GRIK2: variants seen among roughly 807,000 people sequenced by gnomAD.
GRIK2 encodes the protein glutamate receptor ionotropic, kainate 2.
Under a neutral mutation model 100.3 loss-of-function variants are expected in GRIK2, and 32 were observed. The observed-to-expected ratio is 0.32, with a 90% confidence interval of 0.24 to 0.43. The LOEUF (loss-of-function observed/expected upper bound fraction) is 0.43, where lower values mean the gene tolerates loss of function less well. Among genes scored for constraint, GRIK2 ranks in the 20% least tolerant of loss-of-function variants. GRIK2 has a pLI of 1.00. For synonymous variants in GRIK2, 417 were observed against 389.4 expected (o/e 1.07, Z -0.83); for missense variants, 843 against 1,114.9 (o/e 0.76, Z 3.47).
At chr6:101,872,276 G>T (rs770821256) in intron 11 of GRIK2, among the ~76,000 whole-genome samples, 11 of 151,852 alleles carry the variant, frequency 7.2e-5, no homozygotes, top group Non-Finnish European at 1.5e-4. Flanking sequence ...TTTGAGACTG[G>T]GTGATTTATG....
intron 14 of GRIK2, among the ~76,000 whole-genome samples, chr6:102,020,204 C>T (rs1769352452): frequency 6.6e-6 from 1 of 151,646 alleles, no homozygotes; most frequent in Admixed American, 6.6e-5. Context: ...AATACCCTTG[C>T]TTATGACATA....
At chr6:101,777,322 T>A (rs1266722583) in intron 7 of GRIK2, among the ~76,000 whole-genome samples, 1 of 152,120 alleles carries the variant, frequency 6.6e-6, no homozygotes, top group African/African-American at 2.4e-5. Context: ...ACCAGCCTGT[T>A]CTCCATGTGT....
intron 7 of GRIK2, among the ~76,000 whole-genome samples, chr6:101,735,020 G>A (rs775937535): frequency 6.6e-6 from 1 of 152,122 alleles, no homozygotes; most frequent in Non-Finnish European, 1.5e-5. Context: ...AATAATGGTG[G>A]CCAGTGGCTA....
intron 14 of GRIK2, among the ~76,000 whole-genome samples, chr6:101,970,748 T>G (rs960587452): frequency 6.6e-6 from 1 of 151,106 alleles, no homozygotes; most frequent in Non-Finnish European, 1.5e-5. Flanking sequence ...GCAATTGTAT[T>G]TAGTTGGTCC....
intron 7 of GRIK2, among the ~76,000 whole-genome samples, chr6:101,702,024 C>T (rs1039513480): frequency 2.0e-5 from 3 of 151,678 alleles, no homozygotes; most frequent in Admixed American, 1.3e-4. Flanking sequence ...AGGCTACTAT[C>T]ATGTTTCTGT....
At chr6:101,431,573 A>G (rs1044912002) in intron 2 of GRIK2, 3 of 152,034 alleles carry the variant, frequency 2.0e-5, no homozygotes, top group Non-Finnish European at 4.4e-5. Flanking sequence ...GTGGCAAGTG[A>G]AAAAAAAGGA....
intron 4 of GRIK2, among the ~76,000 whole-genome samples, chr6:101,643,185 C>T (rs1048358180): frequency 2.0e-4 from 30 of 151,346 alleles, no homozygotes; most frequent in Non-Finnish European, 2.5e-4. Flanking sequence ...TGCTTTTTCA[C>T]GTTGTTGGTT....
chr6:101,974,445 T>C (rs1793245570), intron 14 of GRIK2, among the ~76,000 whole-genome samples: 1 of 151,892 alleles, frequency 6.6e-6, no homozygotes, highest in African/African-American at 2.4e-5. Flanking sequence ...AGAAACTGCA[T>C]TAGTCAAAGT....
rs1054779314 is a variant in GRIK2 at position 101,600,681 on chromosome 6, C to T, written c.116-21268C>T. 2.0e-5 allele frequency among the ~76,000 whole-genome samples: 3 copies of T among 151,310 alleles called. No individual in the cohort carries two copies. The Admixed American group carries it at 2.0e-4, about 10-fold the overall frequency. On this transcript the variant is annotated intron_variant, in intron 2 of 16. Coordinates refer to ENST00000369134, the MANE Select transcript of GRIK2 (RefSeq NM_021956.5). ...GGATTTTTTTTAAGCTAATTGTAAA[C>T]GGGATTGCATTCTTGACTTGGCTCT...
chr6:101,558,505 A>G (rs1776850615), intron 2 of GRIK2, among the ~76,000 whole-genome samples: 1 of 152,106 alleles, frequency 6.6e-6, no homozygotes, highest in African/African-American at 2.4e-5. Context: ...TATACAAGGG[A>G]ACACAGAATT....
intron 12 of GRIK2, among the ~76,000 whole-genome samples, chr6:101,918,440 G>A (rs532108632): frequency 6.6e-6 from 1 of 151,554 alleles, no homozygotes; most frequent in East Asian, 1.9e-4. Context: ...TCAAAAAATG[G>A]TAATGTATTC....
intron 2 of GRIK2, among the ~76,000 whole-genome samples, chr6:101,561,143 T>G (rs1776992412): frequency 6.6e-6 from 1 of 152,156 alleles, no homozygotes; most frequent in Non-Finnish European, 1.5e-5. Flanking sequence ...ATAAAAAAAG[T>G]CTCTTAGGAA....
At chr6:102,038,451 A>G (rs942249522) in intron 15 of GRIK2, among the ~76,000 whole-genome samples, 2 of 148,696 alleles carry the variant, frequency 1.3e-5, no homozygotes, top group African/African-American at 2.5e-5. Context: ...CCTGGTTTCC[A>G]TTGTCTGGAT....
chr6:101,509,460 C>A (rs930843968), intron 2 of GRIK2, among the ~76,000 whole-genome samples: 1 of 152,150 alleles, frequency 6.6e-6, no homozygotes, highest in Non-Finnish European at 1.5e-5. Context: ...TTCAAGACAG[C>A]TCTCCAATTC....
At chr6:101,812,804 G>T (rs1016711471) in intron 9 of GRIK2, among the ~76,000 whole-genome samples, 9 of 151,988 alleles carry the variant, frequency 5.9e-5, no homozygotes, top group African/African-American at 2.2e-4. Context: ...TTTTGAAACA[G>T]TAATTAAGAT....
At chr6:101,676,110 A>G (rs1047591848) in intron 4 of GRIK2, among the ~76,000 whole-genome samples, 9 of 152,226 alleles carry the variant, frequency 5.9e-5, no homozygotes, top group Admixed American at 2.6e-4. Context: ...AACAATTATT[A>G]ATGTAAAATA....
intron 7 of GRIK2, among the ~76,000 whole-genome samples, chr6:101,701,333 C>T (rs546301420): frequency 1.2e-4 from 19 of 152,018 alleles, no homozygotes; most frequent in African/African-American, 4.1e-4. Context: ...GTAGTCATGC[C>T]GGAACAGCCT....
chr6:101,815,718 T>G (rs1361446), intron 9 of GRIK2, among the ~76,000 whole-genome samples: 41,266 of 151,962 alleles, frequency 0.27, 7,535 homozygotes, highest in East Asian at 0.67. Context: ...TTTGTCCATG[T>G]TTTTTGCCAT....
chr6:101,863,087 G>A (rs547185471), intron 11 of GRIK2, among the ~76,000 whole-genome samples: 1 of 152,106 alleles, frequency 6.6e-6, no homozygotes, highest in South Asian at 2.1e-4. Flanking sequence ...TCTCAGATCT[G>A]TCCCATCTTT....
Sources: gnomAD v4.1 joint callset for allele counts (sites outside exome capture counted in the v4.1 genomes callset) on GRCh38, gnomAD v4.1.1 for gene constraint, MANE v1.5 for transcripts, NCBI Gene and HGNC (gene_info 2026-07-23, HGNC 2026-07-21) for gene names.